Variants in WWOX observed in about 807,000 individuals in gnomAD.
WWOX encodes WW domain containing oxidoreductase.
In WWOX, 69 loss-of-function variants were observed where a neutral mutation model predicts 46.2. The ratio of observed to expected loss-of-function variants is 1.49; its 90% CI spans 1.23 to 1.82. The LOEUF (loss-of-function observed/expected upper bound fraction) is 1.82, where lower values mean the gene tolerates loss of function less well. Ranked by LOEUF, WWOX falls within the 40% of genes most tolerant of loss-of-function variation. WWOX has a pLI of 0.00. For missense variants in WWOX, 919 were observed against 542.6 expected, an observed-to-expected ratio of 1.69 and a Z score of -6.89; for synonymous variants, 359 against 202.6, an observed-to-expected ratio of 1.77 and a Z score of -6.56.
chr16:78,823,242 A>C (rs917672044), intron 8 of WWOX, among the ~76,000 whole-genome samples: 2 of 152,174 alleles, frequency 1.3e-5, no homozygotes, highest in Non-Finnish European at 2.9e-5. Flanking sequence ...AAATGCCTTA[A>C]TGATGCTGGC....
At chr16:79,190,017 C>T (rs745669261) in intron 8 of WWOX, among the ~76,000 whole-genome samples, 14 of 151,816 alleles carry the variant, frequency 9.2e-5, no homozygotes, top group Admixed American at 3.3e-4. Context: ...GTTTTCATAA[C>T]GCCTTGTTTT....
At chr16:78,995,852 G>A (rs2046978585) in intron 8 of WWOX, among the ~76,000 whole-genome samples, 2 of 152,306 alleles carry the variant, frequency 1.3e-5, no homozygotes, top group South Asian at 2.1e-4. Context: ...AGTGTAAAAT[G>A]TTGCAGTAGG....
intron 8 of WWOX, among the ~76,000 whole-genome samples, chr16:78,563,061 A>G (rs923201690): frequency 6.6e-6 from 1 of 151,900 alleles, no homozygotes; most frequent in Non-Finnish European, 1.5e-5. Context: ...GCTAAATATA[A>G]TGTATCTGAT....
At chr16:78,582,923 T>C (rs1446935731) in intron 8 of WWOX, among the ~76,000 whole-genome samples, 2 of 152,310 alleles carry the variant, frequency 1.3e-5, no homozygotes, top group Admixed American at 6.5e-5. Flanking sequence ...CAAGAAATGA[T>C]GAAAAGAAGT....
chr16:78,133,674 AC>A (rs1470588818), intron 4 of WWOX, among the ~76,000 whole-genome samples: 1 of 152,220 alleles, frequency 6.6e-6, no homozygotes, highest in African/African-American at 2.4e-5. Flanking sequence ...GGAATCACAG[AC>A]ATGAGCCACC....
At chr16:78,199,756 A>T (rs955762815) in intron 5 of WWOX, among the ~76,000 whole-genome samples, 4 of 151,620 alleles carry the variant, frequency 2.6e-5, no homozygotes, top group African/African-American at 4.9e-5. Flanking sequence ...ACATTTGTGA[A>T]TGTCTCTCTT....
intron 5 of WWOX, among the ~76,000 whole-genome samples, chr16:78,294,585 G>C (rs2151862675): frequency 6.6e-6 from 1 of 152,034 alleles, no homozygotes; most frequent in African/African-American, 2.4e-5. Context: ...TTATCTATTT[G>C]TGTGTGTATG....
chr16:78,520,442 C>G (rs965983844), intron 8 of WWOX, among the ~76,000 whole-genome samples: 9 of 152,180 alleles, frequency 5.9e-5, no homozygotes, highest in Non-Finnish European at 1.0e-4. Flanking sequence ...GAAAGCCCAT[C>G]AGTTTTACAC....
intron 8 of WWOX, among the ~76,000 whole-genome samples, chr16:78,790,438 CATT>C (rs1301856950): frequency 6.6e-6 from 1 of 152,040 alleles, no homozygotes; most frequent in Non-Finnish European, 1.5e-5. Flanking sequence ...CCCAGCTCAG[CATT>C]ATTATTTTTA....
intron 8 of WWOX, among the ~76,000 whole-genome samples, chr16:78,728,523 C>T (rs1030143134): frequency 4.6e-5 from 7 of 152,298 alleles, no homozygotes; most frequent in East Asian, 3.9e-4. Context: ...TATCACATGG[C>T]ATGTGGCCTC....
chr16:78,149,595 G>C (rs2034327119), intron 4 of WWOX, among the ~76,000 whole-genome samples: 2 of 152,198 alleles, frequency 1.3e-5, no homozygotes, highest in Non-Finnish European at 2.9e-5. Context: ...AGCACTGGTA[G>C]GCTGTTGATG....
intron 8 of WWOX, among the ~76,000 whole-genome samples, chr16:79,034,270 A>C (rs1164880830): frequency 6.6e-6 from 1 of 152,112 alleles, no homozygotes; most frequent in Non-Finnish European, 1.5e-5. Flanking sequence ...AGAAAAAGGC[A>C]CTCTCTATAA....
intron 8 of WWOX, among the ~76,000 whole-genome samples, chr16:78,875,070 A>G (rs765492731): frequency 3.9e-5 from 6 of 152,124 alleles, no homozygotes; most frequent in Non-Finnish European, 7.4e-5. Flanking sequence ...GGACAACTCA[A>G]CAAGCTAGCT....
intron 8 of WWOX, among the ~76,000 whole-genome samples, chr16:79,006,154 T>C (rs2047186261): frequency 6.6e-6 from 1 of 152,048 alleles, no homozygotes; most frequent in Admixed American, 6.6e-5. Context: ...AGCGCTGAGA[T>C]TGAACTACAG....
intron 5 of WWOX, among the ~76,000 whole-genome samples, chr16:78,230,661 A>G (rs1444709561): frequency 6.6e-6 from 1 of 152,174 alleles, no homozygotes; most frequent in Middle Eastern, 3.2e-3. Context: ...CAAATGGAAA[A>G]GTTGTTTTCT....
At chr16:79,170,592 T>C (rs1033295820) in intron 8 of WWOX, among the ~76,000 whole-genome samples, 1 of 141,868 alleles carries the variant, frequency 7.0e-6, no homozygotes, top group African/African-American at 2.8e-5. Flanking sequence ...TTGATTCTAT[T>C]GTAGAAAATA....
chr16:79,033,220 G>C (rs1028501283), intron 8 of WWOX, among the ~76,000 whole-genome samples: 1 of 142,082 alleles, frequency 7.0e-6, no homozygotes, highest in East Asian at 2.0e-4. Context: ...ATATATATTT[G>C]TTAGGGTAAA....
intron 5 of WWOX, among the ~76,000 whole-genome samples, chr16:78,201,617 T>G (rs2036231812): frequency 6.6e-6 from 1 of 152,144 alleles, no homozygotes; most frequent in East Asian, 1.9e-4. Context: ...GAGTCACCCT[T>G]AAGCTCATCT....
At chr16:78,561,013 G>A (rs1018676120) in intron 8 of WWOX, among the ~76,000 whole-genome samples, 13 of 152,158 alleles carry the variant, frequency 8.5e-5, no homozygotes, top group Non-Finnish European at 2.9e-5. Flanking sequence ...CAAAATAAAG[G>A]TGTCCGCTGG....
Sources: gnomAD v4.1 joint callset for allele counts (sites outside exome capture counted in the v4.1 genomes callset) on GRCh38, gnomAD v4.1.1 for gene constraint, MANE v1.5 for transcripts, NCBI Gene and HGNC (gene_info 2026-07-23, HGNC 2026-07-21) for gene names.